STXBP6: variants seen among roughly 807,000 people sequenced by gnomAD.
STXBP6 encodes the protein syntaxin-binding protein 6.
A neutral mutation model predicts 26.9 loss-of-function variants in STXBP6; 21 were observed. The observed-to-expected ratio is 0.78, with a 90% CI of 0.55 to 1.12. The LOEUF (loss-of-function observed/expected upper bound fraction) is 1.12. Among genes scored for constraint, STXBP6 ranks in the 50% most tolerant of loss-of-function variants. The probability of loss-of-function intolerance (pLI) is 0.00; values close to 1 mark genes in which losing one functional copy is unlikely to be tolerated. For synonymous variants in STXBP6, 97 were observed against 92.6 expected (o/e 1.05, Z -0.27); for missense variants, 232 against 257.9 (o/e 0.90, Z 0.69).
intron 1 of STXBP6, among the ~76,000 whole-genome samples, chr14:25,023,291 C>T (rs1021367028): frequency 5.3e-5 from 8 of 150,638 alleles, no homozygotes; most frequent in South Asian, 2.1e-4. Context: ...AGGACAAACA[C>T]GACTGAGATA....
chr14:24,961,652 G>A (rs2073544678), intron 2 of STXBP6, among the ~76,000 whole-genome samples: 2 of 151,982 alleles, frequency 1.3e-5, no homozygotes, highest in Non-Finnish European at 2.9e-5. Context: ...AAAGGCAGCA[G>A]GGTGGAAAGG....
intron 1 of STXBP6, among the ~76,000 whole-genome samples, chr14:25,027,690 G>A (rs541772568): frequency 9.8e-4 from 150 of 152,304 alleles, no homozygotes; most frequent in African/African-American, 3.4e-3. Flanking sequence ...AGCTAGAAAC[G>A]ATTACGCTTA....
At chr14:24,933,695 G>A (rs2072502081) in intron 2 of STXBP6, among the ~76,000 whole-genome samples, 1 of 151,974 alleles carries the variant, frequency 6.6e-6, no homozygotes, top group Non-Finnish European at 1.5e-5. Context: ...ACATTGTGTT[G>A]TCTCTACTTG....
At chr14:24,864,336 A>G (rs1312805674) in intron 2 of STXBP6, among the ~76,000 whole-genome samples, 1 of 152,164 alleles carries the variant, frequency 6.6e-6, no homozygotes, top group Admixed American at 6.5e-5. Context: ...GCAAACAGCA[A>G]TTCTCTTCAG....
intron 2 of STXBP6, among the ~76,000 whole-genome samples, chr14:24,875,814 A>AG (rs1189928883): frequency 6.6e-6 from 1 of 152,192 alleles, no homozygotes; most frequent in African/African-American, 2.4e-5. Context: ...ACAAGGGGTA[A>AG]GGGTGGCGGG....
chr14:24,909,718 T>C (rs977937465), intron 2 of STXBP6, among the ~76,000 whole-genome samples: 4 of 151,074 alleles, frequency 2.6e-5, no homozygotes, highest in Admixed American at 2.6e-4. Context: ...ACTTACCAGA[T>C]ATGAGAATTT....
At chr14:24,875,842 G>C (rs1254668539) in intron 2 of STXBP6, among the ~76,000 whole-genome samples, 5 of 152,110 alleles carry the variant, frequency 3.3e-5, no homozygotes, top group Admixed American at 3.3e-4. Context: ...ATGAGTTGAG[G>C]GGTGGAAATA....
chr14:24,972,035 G>C (rs1246202600), intron 2 of STXBP6, among the ~76,000 whole-genome samples: 1 of 152,170 alleles, frequency 6.6e-6, no homozygotes, highest in Non-Finnish European at 1.5e-5. Context: ...AAGGGTGGCT[G>C]CTTCTTTGTC....
intron 2 of STXBP6, among the ~76,000 whole-genome samples, chr14:24,868,002 G>A (rs1223684419): frequency 6.6e-6 from 1 of 152,088 alleles, no homozygotes; most frequent in African/African-American, 2.4e-5. Flanking sequence ...CTTGAGACCA[G>A]CCTGGGCAAC....
At chr14:24,929,756 C>A (rs10162457) in intron 2 of STXBP6, among the ~76,000 whole-genome samples, 37,146 of 151,942 alleles carry the variant, frequency 0.24, 4,767 homozygotes, top group African/African-American at 0.33. Flanking sequence ...AATGACCTCT[C>A]CTTCGCCCTG....
At chr14:25,048,368 A>G (rs972049620) in intron 1 of STXBP6, among the ~76,000 whole-genome samples, 1 of 152,258 alleles carries the variant, frequency 6.6e-6, no homozygotes, top group Non-Finnish European at 1.5e-5. Context: ...CAGAGTGACT[A>G]ATCATTTGTC....
At chr14:24,976,720 C>G (rs1327245081) in intron 1 of STXBP6, among the ~76,000 whole-genome samples, 1 of 152,046 alleles carries the variant, frequency 6.6e-6, no homozygotes, top group Non-Finnish European at 1.5e-5. Flanking sequence ...TGGTTATTTT[C>G]TAGCTCCAAG....
chr14:24,888,925 C>G (rs772138939), intron 2 of STXBP6, among the ~76,000 whole-genome samples: 8 of 151,984 alleles, frequency 5.3e-5, no homozygotes, highest in Non-Finnish European at 1.0e-4. Context: ...GTTTAGAGTA[C>G]CCTGCCCCTT....
Position 24,871,062 on chromosome 14 carries a change from G to GT in STXBP6, c.155-13906dup, listed in dbSNP as rs572280764. On this transcript the variant is annotated intron_variant, in intron 2 of 5. Coordinates refer to ENST00000323944, the MANE Select transcript of STXBP6 (RefSeq NM_001394410.1). ...AAAATGTAATTGACATTTGAAACAT[G>GT]TTTTTTTTTTTTCTCTAGAAACCAC... Among the ~76,000 whole-genome samples, 969 of 144,894 alleles carry GT rather than the reference G, an allele frequency of 6.7e-3. 4 individuals carry two copies. The highest frequency in any genetic ancestry group is 0.016 in the African/African-American group (657 of 39,842).
chr14:25,012,697 G>A (rs2075058429), intron 1 of STXBP6, among the ~76,000 whole-genome samples: 1 of 152,134 alleles, frequency 6.6e-6, no homozygotes, highest in Non-Finnish European at 1.5e-5. Context: ...AAGAGAATAA[G>A]AATAAAACAG....
At chr14:24,877,621 A>T (rs543913394) in intron 2 of STXBP6, among the ~76,000 whole-genome samples, 1 of 152,286 alleles carries the variant, frequency 6.6e-6, no homozygotes, top group South Asian at 2.1e-4. Flanking sequence ...CCTACTTTGT[A>T]TAGCTGCATA....
intron 2 of STXBP6, among the ~76,000 whole-genome samples, chr14:24,883,850 A>G (rs1368614863): frequency 1.3e-5 from 2 of 152,206 alleles, no homozygotes; most frequent in Admixed American, 6.5e-5. Flanking sequence ...TCCCCAAAAA[A>G]GAATGGTTTT....
At chr14:24,973,375 CTTCCTTTTTTTT>C (rs1566524023) in intron 2 of STXBP6, among the ~76,000 whole-genome samples, 1 of 135,058 alleles carries the variant, frequency 7.4e-6, no homozygotes, top group Admixed American at 7.5e-5. Flanking sequence ...TAAAAGCTTT[CTTCCTTTTTTTT>C]TTTTTTTTTT....
At chr14:24,876,820 T>C (rs888192483) in intron 2 of STXBP6, among the ~76,000 whole-genome samples, 4 of 152,242 alleles carry the variant, frequency 2.6e-5, no homozygotes, top group Admixed American at 2.6e-4. Context: ...CATTAAAAAT[T>C]AGAGCAATGA....
Sources: allele counts gnomAD v4.1 joint callset (sites outside exome capture counted in the v4.1 genomes callset), GRCh38; gene constraint gnomAD v4.1.1; transcripts MANE v1.5; gene names NCBI Gene and HGNC (gene_info 2026-07-23, HGNC 2026-07-21).